KATNBL1: variants seen among roughly 807,000 people sequenced by gnomAD.
KATNBL1 encodes the protein katanin regulatory subunit B1 like 1.
A neutral mutation model predicts 44.7 loss-of-function variants in KATNBL1; 28 were observed. That is an observed-to-expected ratio of 0.63 (90% CI 0.46 to 0.86). KATNBL1 has a LOEUF of 0.86. Ranked by LOEUF, KATNBL1 falls within the 40% of genes least tolerant of loss-of-function variation. The probability of loss-of-function intolerance (pLI) is 0.00; values close to 1 mark genes in which losing one functional copy is unlikely to be tolerated. For synonymous variants in KATNBL1, 78 were observed against 114.9 expected, an observed-to-expected ratio of 0.68 and a Z score of 2.06; for missense variants, 272 against 350.7, an observed-to-expected ratio of 0.78 and a Z score of 1.79.
At position 34,154,672 on chromosome 15, in the gene KATNBL1, G is replaced by C; in HGVS notation, c.130C>G (p.Pro44Ala). The C allele has an allele frequency of 6.3e-7, 1 of 1,584,678 alleles. No individual in the cohort carries two copies. The highest frequency in any genetic ancestry group is 1.1e-5 in the South Asian group (1 of 90,352). Residue 44 changes from proline (P) to alanine (A), a missense_variant, in exon 3 of 10, where the codon CCA (proline) becomes GCA (alanine). Physicochemically the swap from Pro to Ala is conservative, Grantham distance 27 (BLOSUM62 -1). Around this residue, in one of 3 missense-constraint regions of KATNBL1, gnomAD observed 122 missense variants for 125.0 expected, o/e 0.98. Transcript: ENST00000256544. Reference sequence around the variant, plus strand: ...TTTATGTAAGCAGCCAACTGTTTTGGAGATTTCTTAACCTGAAAAATGAAA... The same window carrying C: ...TTTATGTAAGCAGCCAACTGTTTTGCAGATTTCTTAACCTGAAAAATGAAA... ...NKNMKEVKKS[P>A]KQLAAYINRT...
At position 34,181,816 on chromosome 15, in the gene KATNBL1, ATGTC is replaced by A. The variant is rs1478174080; in HGVS notation, c.-14-18130_-14-18127del. ...TATATCCATATATATACATATATAC[ATGTC>A]CATATATATCCATATATATACACAT... On this transcript the variant is annotated intron_variant, in intron 1 of 9. Transcript: ENST00000256544. Among the ~76,000 whole-genome samples the A allele has an allele frequency of 7.3e-4, 53 of 72,286 alleles. 4 individuals are homozygous for A. The highest frequency in any genetic ancestry group is 7.2e-3 in the South Asian group (14 of 1,932). 47.4% of individuals were successfully genotyped at this position (72,286 alleles called of 152,430 possible).
At chr15:34,172,672 C>A (rs2140948335) in intron 1 of KATNBL1, among the ~76,000 whole-genome samples, 1 of 152,158 alleles carries the variant, frequency 6.6e-6, no homozygotes, top group East Asian at 1.9e-4. Context: ...CTTATACACT[C>A]CAGGGAAGAG....
rs758975019 is a variant in KATNBL1, at chr15:34,153,080, A to C, written c.159-11T>G. The C allele has an allele frequency of 3.8e-6, 6 of 1,565,080 alleles. No individual in the cohort carries two copies. The highest frequency in any genetic ancestry group is 5.2e-6 in the Non-Finnish European group (6 of 1,157,424). On this transcript the variant is annotated splice_polypyrimidine_tract_variant and intron_variant, in intron 3 of 9. Coordinates refer to ENST00000256544, the MANE Select transcript of KATNBL1 (RefSeq NM_024713.3). ...GTTTGTCCAACTGTTCTGTAAAAAGAATTTATTTTCTTAAATGAAAAAGAA... is the reference window on the plus strand; with the variant it reads ...GTTTGTCCAACTGTTCTGTAAAAAGCATTTATTTTCTTAAATGAAAAAGAA...
chr15:34,200,806 G>C (rs1022323614), intron 1 of KATNBL1, among the ~76,000 whole-genome samples: 17 of 148,322 alleles, frequency 1.1e-4, no homozygotes, highest in Non-Finnish European at 2.2e-4. Flanking sequence ...CTCTTCCTCA[G>C]TGTTTTTGTT....
At chr15:34,151,023 C>A (rs992417095) in intron 4 of KATNBL1, among the ~76,000 whole-genome samples, 4 of 152,096 alleles carry the variant, frequency 2.6e-5, no homozygotes, top group Admixed American at 2.6e-4. Flanking sequence ...ATGGGCATTT[C>A]GATTGATTCC....
chr15:34,152,504 G>T (rs1888513262), intron 4 of KATNBL1, among the ~76,000 whole-genome samples: 1 of 152,180 alleles, frequency 6.6e-6, no homozygotes, highest in East Asian at 1.9e-4. Context: ...ACTTTTTTAG[G>T]CAAGATTTCT....
intron 1 of KATNBL1, among the ~76,000 whole-genome samples, chr15:34,197,193 C>T (rs1890050007): frequency 6.6e-6 from 1 of 152,196 alleles, no homozygotes; most frequent in South Asian, 2.1e-4. Context: ...TGAACAATGT[C>T]ATGTTTTAGT....
intron 1 of KATNBL1, among the ~76,000 whole-genome samples, chr15:34,171,255 C>A (rs1022222772): frequency 3.3e-5 from 5 of 152,130 alleles, no homozygotes; most frequent in East Asian, 1.9e-4. Flanking sequence ...AACAAACAAC[C>A]CAATCAAAAC....
At chr15:34,182,947 G>A (rs1052571080) in intron 1 of KATNBL1, among the ~76,000 whole-genome samples, 1 of 152,154 alleles carries the variant, frequency 6.6e-6, no homozygotes, top group African/African-American at 2.4e-5. Context: ...CTCACGGAAA[G>A]GATACCTCAA....
At chr15:34,205,247 C>T (rs1379284417) in intron 1 of KATNBL1, among the ~76,000 whole-genome samples, 1 of 152,128 alleles carries the variant, frequency 6.6e-6, no homozygotes, top group Non-Finnish European at 1.5e-5. Flanking sequence ...CCACGTAGGC[C>T]TCCCAAAGTG....
intron 1 of KATNBL1, among the ~76,000 whole-genome samples, chr15:34,185,294 T>G (rs1458800575): frequency 6.6e-6 from 1 of 152,192 alleles, no homozygotes; most frequent in Non-Finnish European, 1.5e-5. Flanking sequence ...ATCCTTGTCT[T>G]CGTTGATTTC....
intron 1 of KATNBL1, among the ~76,000 whole-genome samples, chr15:34,188,210 G>A (rs1187414964): frequency 1.5e-5 from 2 of 135,158 alleles, no homozygotes; most frequent in East Asian, 2.3e-4. Context: ...ACTGGGCAGA[G>A]AGAAATACAC....
intron 1 of KATNBL1, among the ~76,000 whole-genome samples, chr15:34,206,890 T>C (rs1158656605): frequency 1.3e-5 from 2 of 152,208 alleles, no homozygotes; most frequent in Non-Finnish European, 2.9e-5. Flanking sequence ...TTAAGGTGTT[T>C]AATTAAAAAA....
At position 34,151,391 on chromosome 15, in the gene KATNBL1, C is replaced by T. The variant is rs114780695; in HGVS notation, c.438+1399G>A. Among the ~76,000 whole-genome samples the T allele has an allele frequency of 3.4e-3, 499 of 146,836 alleles. 5 individuals are homozygous for T. Among genetic ancestry groups the T allele is most frequent in the African/African-American group, 0.012 (467 of 40,066 alleles). On this transcript the variant is annotated intron_variant, in intron 4 of 9. Transcript: ENST00000256544. ...CATTTTTTCATATGCTTGTCACCTACATGTATGTCTTCTTTTGAAAAGTGT... is the reference window on the plus strand; with the variant it reads ...CATTTTTTCATATGCTTGTCACCTATATGTATGTCTTCTTTTGAAAAGTGT...
chr15:34,195,162 AC>A (rs142997558), intron 1 of KATNBL1, among the ~76,000 whole-genome samples: 50,898 of 152,030 alleles, frequency 0.33, 9,124 homozygotes, highest in African/African-American at 0.48. Context: ...TTATTGCAGC[AC>A]CAATTTATAA....
intron 1 of KATNBL1, chr15:34,198,192 T>TA (rs1890076578): frequency 6.6e-6 from 1 of 152,232 alleles, no homozygotes; most frequent in South Asian, 2.1e-4. Context: ...TTCAGTGACC[T>TA]AAACCATTCT....
chr15:34,147,201 C>T lies in KATNBL1; in HGVS notation c.697G>A (p.Glu233Lys), dbSNP rs1431625300. The T allele has an allele frequency of 1.9e-6, 3 of 1,573,298 alleles. No individual in the cohort carries two copies. Among genetic ancestry groups the T allele is most frequent in the Non-Finnish European group, 2.6e-6 (3 of 1,144,790 alleles). The change falls in exon 7 of 10, where the codon GAA (glutamate) becomes AAA (lysine). Residue 233 changes from glutamate to lysine, a missense_variant and splice_region_variant. Transcript: ENST00000256544. ...ATCAAGATTCAGATTAGCACTTACT[C>T]TTCAAATTTGCTTTTAAGTAGTGAC... is the stretch of plus-strand genomic sequence containing the variant. ...VKSLLKSKFE[E>K]YVIVGLNWLQ... is the part of the protein sequence containing the mutation.
At chr15:34,144,905 C>A in intron 9 of KATNBL1, 1 of 242,832 alleles carries the variant, frequency 4.1e-6, no homozygotes, top group Non-Finnish European at 6.8e-6. Flanking sequence ...TATTAAAATT[C>A]AAACTAGCAA....
intron 2 of KATNBL1, among the ~76,000 whole-genome samples, chr15:34,160,885 CT>C (rs1888780296): frequency 6.6e-6 from 1 of 152,134 alleles, no homozygotes; most frequent in Admixed American, 6.5e-5. Context: ...TCAATCCCCC[CT>C]ACTGGAGATT....
Sources: gnomAD v4.1 joint callset for allele counts (sites outside exome capture counted in the v4.1 genomes callset) on GRCh38, gnomAD v4.1.1 for gene constraint, gnomAD v4.1.1 regional missense constraint, MANE v1.5 for transcripts, NCBI Gene and HGNC (gene_info 2026-07-23, HGNC 2026-07-21) for gene names.